The following INPP5F variants were observed in gnomAD, a reference collection of about 807,000 sequenced individuals.
INPP5F encodes phosphatidylinositide 4-phosphatase SAC2.
INPP5F carries 97 observed loss-of-function variants against 137.2 expected under a neutral mutation model. The ratio of observed to expected loss-of-function variants is 0.71; its 90% CI spans 0.60 to 0.84. The LOEUF (loss-of-function observed/expected upper bound fraction) is 0.84. Ranked by LOEUF, INPP5F falls within the 40% of genes least tolerant of loss-of-function variation. The pLI is 0.00. For missense variants in INPP5F, 1,271 were observed against 1,371.9 expected (o/e 0.93, Z 1.16); for synonymous variants, 504 against 476.9 (o/e 1.06, Z -0.74).
chr10:119,825,545 T>G (rs1402258837), intron 19 of INPP5F, among the ~76,000 whole-genome samples: 1 of 152,198 alleles, frequency 6.6e-6, no homozygotes, highest in Non-Finnish European at 1.5e-5. Context: ...TTTGCCATCC[T>G]TGACACAACT....
chr10:119,770,782 A>C (rs1462279316), intron 2 of INPP5F, among the ~76,000 whole-genome samples: 1 of 152,182 alleles, frequency 6.6e-6, no homozygotes, highest in African/African-American at 2.4e-5. Context: ...TCTTTTCACT[A>C]GTGTTGATAC....
intron 2 of INPP5F, among the ~76,000 whole-genome samples, chr10:119,752,635 A>G (rs1198982291): frequency 6.6e-6 from 1 of 151,020 alleles, no homozygotes; most frequent in African/African-American, 2.4e-5. Context: ...GTTTGGAGCC[A>G]TCTCTGTGCC....
chr10:119,755,925 A>C (rs1054380942), intron 2 of INPP5F, among the ~76,000 whole-genome samples: 3 of 152,172 alleles, frequency 2.0e-5, no homozygotes, highest in Non-Finnish European at 4.4e-5. Flanking sequence ...TGGGAGGCTG[A>C]GGTGGGCAGA....
rs532490357 is a variant in INPP5F at position 119,787,123 on chromosome 10, C to T, written c.316-4394C>T. 4.6e-5 allele frequency among the ~76,000 whole-genome samples: 7 copies of T among 152,170 alleles called. 1 individual carries two copies. Among genetic ancestry groups the T allele is most frequent in the African/African-American group, 1.2e-4 (5 of 41,496 alleles). ...GGTAAGTGATGATTATCAGTATCTTCATATCAGTTCAGGGCATGCTTTGCC... is the reference window on the plus strand; with the variant it reads ...GGTAAGTGATGATTATCAGTATCTTTATATCAGTTCAGGGCATGCTTTGCC... On this transcript the variant is annotated intron_variant, in intron 3 of 19. Coordinates refer to ENST00000650623, the MANE Select transcript of INPP5F (RefSeq NM_014937.4). The surrounding 1 kb of genome is among the most constrained non-coding windows in gnomAD (Gnocchi z 4.1).
chr10:119,796,549 T>C (rs1850392079), intron 6 of INPP5F, among the ~76,000 whole-genome samples, 166 bp from the exon 7 acceptor site: 1 of 152,240 alleles, frequency 6.6e-6, no homozygotes, highest in African/African-American at 2.4e-5. Flanking sequence ...AGACCTCCTC[T>C]GTCCGTTCCT....
chr10:119,774,656 T>G (rs1849465469), intron 2 of INPP5F, among the ~76,000 whole-genome samples: 1 of 152,064 alleles, frequency 6.6e-6, no homozygotes, highest in Non-Finnish European at 1.5e-5. Context: ...CCCAGAAACT[T>G]TATTGCTCCT....
chr10:119,733,720 G>GA (rs1848149491), intron 1 of INPP5F, among the ~76,000 whole-genome samples: 1 of 152,212 alleles, frequency 6.6e-6, no homozygotes, highest in East Asian at 1.9e-4. Context: ...GTAGTATCAA[G>GA]TTTTTTTAGA....
At chr10:119,739,800 T>G (rs909096211) in intron 1 of INPP5F, among the ~76,000 whole-genome samples, 2 of 151,704 alleles carry the variant, frequency 1.3e-5, no homozygotes, top group Non-Finnish European at 2.9e-5. Flanking sequence ...TGTATTTTTT[T>G]GTAGAGACGG....
At chr10:119,770,620 T>C (rs1004355944) in intron 2 of INPP5F, among the ~76,000 whole-genome samples, 1 of 152,166 alleles carries the variant, frequency 6.6e-6, no homozygotes, top group Non-Finnish European at 1.5e-5. Context: ...GGAGTAGAGA[T>C]TGCTATTATT....
In INPP5F at chr10:119,781,712, G is replaced by C. The variant is rs772937235; in HGVS notation, c.256G>C (p.Val86Leu). The change falls in exon 3 of 20, where the codon GTT (valine) becomes CTT (leucine). Residue 86 changes from valine to leucine, a missense_variant. This residue lies in a region of INPP5F where 6 missense variants were observed against 21.8 expected (regional missense o/e 0.28). Transcript: ENST00000650623. ...CCCAGGAGACCATGAGGTCTGTAAA[G>C]TTACCAAAATTGCTGTGCTCTCACT... The part of the protein sequence containing the change: ...KLPGDHEVCK[V>L]TKIAVLSLSE... The C allele has an allele frequency of 6.2e-7, 1 of 1,612,728 alleles. No homozygotes were observed. The highest frequency in any genetic ancestry group is 1.3e-5 in the African/African-American group (1 of 74,886).
At chr10:119,785,575 A>AGACT (rs1554889682) in intron 3 of INPP5F, among the ~76,000 whole-genome samples, 2 of 150,564 alleles carry the variant, frequency 1.3e-5, no homozygotes, top group Admixed American at 6.7e-5. Flanking sequence ...AGAGAGAGAG[A>AGACT]GAGACTGAGA....
chr10:119,819,244 A>AG (rs1851439118), intron 15 of INPP5F: 1 of 33,498 alleles, frequency 3.0e-5, no homozygotes, highest in African/African-American at 2.0e-4. Flanking sequence ...TTTTTTTTTT[A>AG]AAGGGGAAGG....
At chr10:119,731,249 T>C (rs1459894234) in intron 1 of INPP5F, among the ~76,000 whole-genome samples, 2 of 151,502 alleles carry the variant, frequency 1.3e-5, no homozygotes, top group Admixed American at 1.3e-4. Flanking sequence ...GGAATTGAAA[T>C]CCACCTGGAA....
At chr10:119,764,274 A>G (rs1023365857) in intron 2 of INPP5F, among the ~76,000 whole-genome samples, 2 of 152,156 alleles carry the variant, frequency 1.3e-5, no homozygotes, top group Admixed American at 1.3e-4. Context: ...CTTGGTACCA[A>G]AATCTCGATT....
At chr10:119,769,595 C>A (rs1324605735) in intron 2 of INPP5F, among the ~76,000 whole-genome samples, 1 of 152,150 alleles carries the variant, frequency 6.6e-6, no homozygotes, top group Non-Finnish European at 1.5e-5. Context: ...TGTAGGTGAG[C>A]ATCATCCCGT....
At chr10:119,794,543 C>A (rs1850259413) in intron 6 of INPP5F, among the ~76,000 whole-genome samples, 1 of 152,024 alleles carries the variant, frequency 6.6e-6, no homozygotes. Context: ...GGTACACCTC[C>A]CAGACGGGGT....
At chr10:119,823,760 AT>A (rs1277753132) in intron 18 of INPP5F, 54 bp from the exon 19 acceptor site, 158 of 1,386,502 alleles carry the variant, frequency 1.1e-4, no homozygotes, top group Middle Eastern at 1.8e-4. Flanking sequence ...TAGAACTGCT[AT>A]TTTTTTTAGT....
chr10:119,794,294 G>C (rs1037624321), intron 6 of INPP5F, among the ~76,000 whole-genome samples: 3 of 152,164 alleles, frequency 2.0e-5, no homozygotes. Context: ...ATTCAACCCT[G>C]AGTGGATACA....
intron 2 of INPP5F, among the ~76,000 whole-genome samples, chr10:119,765,874 TATATATAGAGAGAG>T (rs71019714): frequency 0.17 from 6,194 of 37,368 alleles, 256 homozygotes; most frequent in South Asian, 0.46. Flanking sequence ...ACTATATATA[TATATATAGAGAGAG>T]AGAGAGAGAG....
Sources: allele counts gnomAD v4.1 joint callset (sites outside exome capture counted in the v4.1 genomes callset), GRCh38; gene constraint gnomAD v4.1.1; regional missense constraint gnomAD v4.1.1; non-coding constraint Gnocchi (gnomAD v3.1); transcripts MANE v1.5; gene names NCBI Gene and HGNC (gene_info 2026-07-23, HGNC 2026-07-21).